Variants in FKTN observed in about 807,000 individuals in gnomAD.
The protein encoded by FKTN is ribitol-5-phosphate transferase FKTN.
In FKTN, 47 loss-of-function variants were observed where a neutral mutation model predicts 58.6. The ratio of observed to expected loss-of-function variants is 0.80; its 90% confidence interval spans 0.63 to 1.02. The LOEUF (loss-of-function observed/expected upper bound fraction) is 1.02. Among genes scored for constraint, FKTN ranks in the 50% least tolerant of loss-of-function variants. FKTN has a pLI of 0.00. For synonymous variants in FKTN, 178 were observed against 191.9 expected (o/e 0.93, Z 0.60); for missense variants, 516 against 537.3 (o/e 0.96, Z 0.39).
chr9:105,609,843 G>A (rs75766820), intron 7 of FKTN, among the ~76,000 whole-genome samples: 2,805 of 152,220 alleles, frequency 0.018, 79 homozygotes, highest in African/African-American at 0.064. Context: ...AGTGCTGTCT[G>A]AAACTTCGTA....
Position 105,639,708 on chromosome 9 carries a change from A to G in FKTN, c.*4444A>G. ...TAATTATATTACATTAATACAATAT[A>G]TGGTTTGTGAATTCAGAGACATTAC... On this transcript the variant is annotated 3_prime_UTR_variant, in exon 11 of 11. Transcript: ENST00000357998. 1 of 941,518 alleles carries G rather than the reference A, an allele frequency of 1.1e-6. No individual in the cohort carries two copies. Among genetic ancestry groups the G allele is most frequent in the South Asian group, 4.7e-5 (1 of 21,494 alleles). 58.3% of individuals were successfully genotyped at this position (941,518 alleles called of 1,614,324 possible). A position where few individuals can be genotyped will look rare whatever the true frequency, so the allele number is the denominator to read the frequency against.
In FKTN at chr9:105,604,352, T is replaced by G; in HGVS notation, c.507T>G (p.His169Gln). The G allele has an allele frequency of 6.2e-7, 1 of 1,614,182 alleles. No individual in the cohort carries two copies. Among genetic ancestry groups the G allele is most frequent in the South Asian group, 1.1e-5 (1 of 91,082 alleles). ...ACTATATCTGCAAACTGGCCACTCA[T>G]GCGATCCACTTGGTAGTCTTTCATG... is the stretch of plus-strand genomic sequence containing the variant. Reference protein sequence around the residue: ...PLHYICKLATHAIHLVVFHER... With the variant: ...PLHYICKLATQAIHLVVFHER... Residue 169 changes from histidine to glutamine, a missense_variant, in exon 6 of 11, where the codon CAT (histidine) becomes CAG (glutamine). By Grantham distance (24) the His-to-Gln change is conservative. Coordinates refer to ENST00000357998, the MANE Select transcript of FKTN (RefSeq NM_001079802.2).
intron 5 of FKTN, among the ~76,000 whole-genome samples, chr9:105,603,315 T>G (rs909702819): frequency 6.6e-6 from 1 of 152,166 alleles, no homozygotes; most frequent in African/African-American, 2.4e-5. Context: ...TTTCTACTTC[T>G]AAGGTGTACC....
intron 7 of FKTN, among the ~76,000 whole-genome samples, chr9:105,611,314 G>A (rs963829091): frequency 3.9e-5 from 6 of 152,086 alleles, no homozygotes; most frequent in Non-Finnish European, 8.8e-5. Flanking sequence ...GTAATCCTGA[G>A]ATTTGTACTT....
chr9:105,594,461 A>C (rs1826374775), intron 3 of FKTN, among the ~76,000 whole-genome samples: 1 of 152,214 alleles, frequency 6.6e-6, no homozygotes. Context: ...GTAGTCATGA[A>C]TTTAAATTGA....
chr9:105,628,766 C>A (rs1169058262), intron 10 of FKTN, among the ~76,000 whole-genome samples: 1 of 152,134 alleles, frequency 6.6e-6, no homozygotes, highest in Non-Finnish European at 1.5e-5. Flanking sequence ...AATGCAATAA[C>A]ATGGATGAAT....
Position 105,640,294 on chromosome 9 carries a change from T to A in FKTN, c.*5030T>A. On this transcript the variant is annotated 3_prime_UTR_variant, in exon 11 of 11. Transcript: ENST00000357998. ...TTTTGGGTGCAGTGGCTCACACCTG[T>A]AATACCAGCAGTTTGAGAAGCTAAG... The A allele has an allele frequency of 1.2e-6, 1 of 838,182 alleles. No individual in the cohort carries two copies. The highest frequency in any genetic ancestry group is 1.7e-6 in the Non-Finnish European group (1 of 576,280). 51.9% of individuals were successfully genotyped at this position (838,182 alleles called of 1,614,324 possible). A position where few individuals can be genotyped will look rare whatever the true frequency, so the allele number is the denominator to read the frequency against.
chr9:105,563,592 C>A (rs560540013), intron 1 of FKTN, among the ~76,000 whole-genome samples: 1 of 129,232 alleles, frequency 7.7e-6, no homozygotes, highest in Non-Finnish European at 1.6e-5. Context: ...AACGTGGCAG[C>A]GAGGCTGGGG....
At chr9:105,592,336 G>A (rs1845047793) in intron 3 of FKTN, among the ~76,000 whole-genome samples, 1 of 152,114 alleles carries the variant, frequency 6.6e-6, no homozygotes, top group Non-Finnish European at 1.5e-5. Context: ...TGAACTCTTT[G>A]CTGCTTAGAA....
intron 3 of FKTN, among the ~76,000 whole-genome samples, chr9:105,582,101 A>T (rs952179108): frequency 6.6e-6 from 1 of 152,072 alleles, no homozygotes; most frequent in African/African-American, 2.4e-5. Context: ...GGTACCTCAG[A>T]TGGAAATGCA....
rs1834325194 is a variant in FKTN, at chr9:105,640,201, T to C, written c.*4937T>C. ...GTGAAACAGACTAATTCAATGGCAA[T>C]ACCTTTTGTATAGGTCCTGTGCTTA... On this transcript the variant is annotated 3_prime_UTR_variant, in exon 11 of 11. Coordinates refer to ENST00000357998, the MANE Select transcript of FKTN (RefSeq NM_001079802.2). 6.5e-7 allele frequency: 1 copy of C among 1,527,240 alleles called. No homozygotes were observed. The highest frequency in any genetic ancestry group is 8.8e-7 in the Non-Finnish European group (1 of 1,141,958). The allele number at this position is 1,527,240 out of a possible 1,614,324, so 94.6% of individuals were successfully genotyped here.
intron 10 of FKTN, among the ~76,000 whole-genome samples, chr9:105,631,184 A>G (rs952827407): frequency 5.3e-5 from 8 of 152,276 alleles, no homozygotes; most frequent in African/African-American, 1.9e-4. Flanking sequence ...AGAGAATATA[A>G]CAAAAACCTA....
intron 1 of FKTN, among the ~76,000 whole-genome samples, chr9:105,561,721 G>A (rs1838337404): frequency 6.6e-6 from 1 of 152,226 alleles, no homozygotes; most frequent in South Asian, 2.1e-4. Context: ...AAAGGATTAA[G>A]TGCATGAATG....
intron 10 of FKTN, among the ~76,000 whole-genome samples, chr9:105,623,456 G>A (rs1200896148): frequency 6.6e-6 from 1 of 152,132 alleles, no homozygotes; most frequent in African/African-American, 2.4e-5. Flanking sequence ...CTATCATGTT[G>A]TTAATACCCC....
At chr9:105,590,700 A>G (rs1377610266) in intron 3 of FKTN, among the ~76,000 whole-genome samples, 1 of 152,174 alleles carries the variant, frequency 6.6e-6, no homozygotes, top group African/African-American at 2.4e-5. Flanking sequence ...AGTTTGAGGA[A>G]TGGTGAAAAT....
At chr9:105,623,077 A>G (rs1462469298) in intron 10 of FKTN, 1 of 152,094 alleles carries the variant, frequency 6.6e-6, no homozygotes, top group Non-Finnish European at 1.5e-5. Flanking sequence ...AATAAAAGTG[A>G]TGAATATAAT....
intron 10 of FKTN, among the ~76,000 whole-genome samples, chr9:105,630,863 G>A (rs1319934300): frequency 2.0e-5 from 3 of 152,150 alleles, no homozygotes; most frequent in Admixed American, 1.3e-4. Context: ...GCTGGGCATG[G>A]TGGCTCACAT....
intron 6 of FKTN, among the ~76,000 whole-genome samples, chr9:105,605,057 A>G (rs1230650097): frequency 6.6e-6 from 1 of 152,130 alleles, no homozygotes; most frequent in Non-Finnish European, 1.5e-5. Context: ...GGGTCTGTGC[A>G]CATTGTGGAT....
chr9:105,636,269 T>C lies in FKTN; in HGVS notation c.*1005T>C. The C allele has an allele frequency of 1.1e-6, 1 of 947,122 alleles. No individual in the cohort carries two copies. The highest frequency in any genetic ancestry group is 1.3e-6 in the Non-Finnish European group (1 of 795,174). 58.7% of individuals were successfully genotyped at this position (947,122 alleles called of 1,614,324 possible). A position where few individuals can be genotyped will look rare whatever the true frequency, so the allele number is the denominator to read the frequency against. On this transcript the variant is annotated 3_prime_UTR_variant, in exon 11 of 11. Transcript: ENST00000357998. Reference sequence around the variant, plus strand: ...ACTCTTTATTATCTTCATTTATCAATTACAGCTTCGTATCTCTAATTTATG... The same window carrying C: ...ACTCTTTATTATCTTCATTTATCAACTACAGCTTCGTATCTCTAATTTATG...
Sources: gnomAD v4.1 joint callset for allele counts (sites outside exome capture counted in the v4.1 genomes callset) on GRCh38, gnomAD v4.1.1 for gene constraint, MANE v1.5 for transcripts, NCBI Gene and HGNC (gene_info 2026-07-23, HGNC 2026-07-21) for gene names.